Variants in LRIT2 observed in about 807,000 individuals in gnomAD.
LRIT2 encodes leucine rich repeat, Ig-like and transmembrane domains 2.
Under a neutral mutation model 22.4 loss-of-function variants are expected in LRIT2, and 23 were observed. The ratio of observed to expected loss-of-function variants is 1.03; its 90% CI spans 0.74 to 1.45. The LOEUF is 1.45. Ranked by LOEUF, LRIT2 falls within the 40% of genes most tolerant of loss-of-function variation. The pLI is 0.00. For synonymous variants in LRIT2, 291 were observed against 267.1 expected (o/e 1.09, Z -0.87); for missense variants, 784 against 665.6 (o/e 1.18, Z -1.96).
rs376296706 is a variant in LRIT2 at position 84,225,397 on chromosome 10, C to T, written c.110+14G>A. 2 of 1,612,706 alleles carry T rather than the reference C, an allele frequency of 1.2e-6. No individual in the cohort carries two copies. Among genetic ancestry groups the T allele is most frequent in the Non-Finnish European group, 8.5e-7 (1 of 1,179,586 alleles). ...TTCCCCATAACCCTCTAACATCTGG[C>T]CAGCAGAGCGCACCTGCCAAAACTC... On this transcript the variant is annotated intron_variant, in intron 1 of 2. Transcript: ENST00000372113.
chr10:84,222,904 G>C (rs1165206378), intron 2 of LRIT2: 1 of 705,462 alleles, frequency 1.4e-6, no homozygotes, highest in South Asian at 1.5e-5. Context: ...TTGAGGATTG[G>C]AGCAATCCAT....
intron 1 of LRIT2, 96 bp from the exon 2 acceptor site, chr10:84,225,210 A>T: frequency 7.9e-7 from 1 of 1,271,700 alleles, no homozygotes; most frequent in Non-Finnish European, 1.1e-6. Flanking sequence ...ATCAGAATAA[A>T]AATATTATTA....
Position 84,222,687 on chromosome 10 carries a change from G to C in LRIT2, c.893-7C>G. 6.2e-7 allele frequency: 1 copy of C among 1,612,202 alleles called. No individual in the cohort carries two copies. Among genetic ancestry groups the C allele is most frequent in the Non-Finnish European group, 8.5e-7 (1 of 1,178,462 alleles). Reference sequence around the variant, plus strand: ...CCAGTAGAAGATGTCAACACTGGGTGGAAAGAAAAACAAAACAGCTGTGCA... The same window carrying C: ...CCAGTAGAAGATGTCAACACTGGGTCGAAAGAAAAACAAAACAGCTGTGCA... On this transcript the variant is annotated splice_polypyrimidine_tract_variant and splice_region_variant and intron_variant, in intron 2 of 2. Transcript: ENST00000372113.
intron 1 of LRIT2, 82 bp from the exon 2 acceptor site, chr10:84,225,196 G>A: frequency 7.6e-7 from 1 of 1,321,458 alleles, no homozygotes; most frequent in Non-Finnish European, 1.0e-6. Context: ...CATTAGACAT[G>A]TGAATCAGAA....
Position 84,224,423 on chromosome 10 carries a change from G to T in LRIT2, c.802C>A (p.Gln268Lys), listed in dbSNP as rs144004898. 32 of 1,614,124 alleles carry T rather than the reference G, an allele frequency of 2.0e-5. No homozygotes were observed. Among genetic ancestry groups the T allele is most frequent in the Admixed American group, 5.0e-5 (3 of 60,014 alleles). The change falls in exon 2 of 3, where the codon CAG becomes AAG. Residue 268 changes from glutamine to lysine, a missense_variant. Physicochemically the swap from Gln to Lys is moderately conservative, Grantham distance 53. Transcript: ENST00000372113. ...GCCAAGCATCGCAGGGTCACATTCT[G>T]TCCTGCCCGGATGGTGATATTGGCA... is the stretch of plus-strand genomic sequence containing the variant. ...PSANITIRAG[Q>K]NVTLRCLAQA...
At chr10:84,225,295 G>C in intron 1 of LRIT2, 116 bp downstream of exon 1, 1 of 1,292,876 alleles carries the variant, frequency 7.7e-7, no homozygotes, top group Non-Finnish European at 1.1e-6. Flanking sequence ...CAACTAGAAT[G>C]AGTCTCATAG....
intron 2 of LRIT2, among the ~76,000 whole-genome samples, chr10:84,223,344 T>G (rs1034561880): frequency 5.9e-5 from 9 of 152,158 alleles, no homozygotes; most frequent in African/African-American, 2.2e-4. Context: ...ACAGTGATTA[T>G]AGAACACCAC....
Position 84,222,591 on chromosome 10 carries a change from T to C in LRIT2, c.982A>G (p.Met328Val), listed in dbSNP as rs139836335. 1 of 1,614,052 alleles carries C rather than the reference T, an allele frequency of 6.2e-7. No individual in the cohort carries two copies. The highest frequency in any genetic ancestry group is 8.5e-7 in the Non-Finnish European group (1 of 1,180,006). Residue 328 changes from methionine (M) to valine (V), a missense_variant, in exon 3 of 3, where the codon ATG becomes GTG. Coordinates refer to ENST00000372113, the MANE Select transcript of LRIT2 (RefSeq NM_001017924.5). Reference sequence around the variant, plus strand: ...CTCTTGCCAATGGAGTTGGAGGCCATGCAGGTGTAATTACCACTGTCTACC... The same window carrying C: ...CTCTTGCCAATGGAGTTGGAGGCCACGCAGGTGTAATTACCACTGTCTACC... ...HLVDSGNYTC[M>V]ASNSIGKSNL... is the part of the protein sequence containing the mutation.
intron 1 of LRIT2, 124 bp from the exon 2 acceptor site, chr10:84,225,238 G>A: frequency 6.6e-6 from 8 of 1,215,610 alleles, no homozygotes; most frequent in Non-Finnish European, 8.0e-6. Flanking sequence ...AAATAAAAGA[G>A]TTAGACTCAT....
Position 84,224,697 on chromosome 10 carries a change from G to C in LRIT2, c.528C>G (p.Ala176=). The C allele has an allele frequency of 6.2e-7, 1 of 1,614,180 alleles. No homozygotes were observed. The highest frequency in any genetic ancestry group is 8.5e-7 in the Non-Finnish European group (1 of 1,180,022). Residue 176 remains alanine (A), a synonymous_variant, in exon 2 of 3, where the codon GCC becomes GCG. Transcript: ENST00000372113. ...VSKSVFLNWP[A]YQKCRQPDCG... Reference sequence around the variant, plus strand: ...AGTCAGGCTGCCGGCATTTCTGGTAGGCTGGCCAGTTCAGGAAGACACTCT... The same window carrying C: ...AGTCAGGCTGCCGGCATTTCTGGTACGCTGGCCAGTTCAGGAAGACACTCT...
Position 84,221,750 on chromosome 10 carries a change from A to G in LRIT2, c.*170T>C. ...TGACTATGTCCCCTTTATCATGAAG[A>G]TAAAGACTCTGTTTCCCTTTTTACT... On this transcript the variant is annotated 3_prime_UTR_variant, in exon 3 of 3. Transcript: ENST00000372113. The G allele has an allele frequency of 2.1e-6, 1 of 487,196 alleles. No individual in the cohort carries two copies. Among genetic ancestry groups the G allele is most frequent in the Non-Finnish European group, 3.5e-6 (1 of 284,734 alleles). The allele number at this position is 487,196 out of a possible 1,614,324, so 30.2% of individuals were successfully genotyped here. A position where few individuals can be genotyped will look rare whatever the true frequency, so the allele number is the denominator to read the frequency against.
In LRIT2 at chr10:84,224,127, T is replaced by C. The variant is rs533107320; in HGVS notation, c.892+206A>G. 7.4e-4 allele frequency among the ~76,000 whole-genome samples: 113 copies of C among 152,366 alleles called. 1 individual carries two copies. Among genetic ancestry groups the C allele is most frequent in the South Asian group, 4.6e-3 (22 of 4,834 alleles). ...TATATGTTCTGTATGCAAAGAGATC[T>C]GTATGCAAACATTTAAAATAATGCC... On this transcript the variant is annotated intron_variant, in intron 2 of 2. Coordinates refer to ENST00000372113, the MANE Select transcript of LRIT2 (RefSeq NM_001017924.5).
Position 84,221,254 on chromosome 10 carries a change from G to A in LRIT2, c.*666C>T, listed in dbSNP as rs1054294961. The A allele has an allele frequency of 1.3e-5, 2 of 152,232 alleles. No individual in the cohort carries two copies. The highest frequency in any genetic ancestry group is 4.8e-5 in the African/African-American group (2 of 41,442). The allele number at this position is 152,232 out of a possible 1,614,324, so 9.4% of individuals were successfully genotyped here. ...CAAGGGCTGTGCTCACAGGGGAACAGACACCTACAAAAAGAGACTCACATT... is the reference window on the plus strand; with the variant it reads ...CAAGGGCTGTGCTCACAGGGGAACAAACACCTACAAAAAGAGACTCACATT... On this transcript the variant is annotated 3_prime_UTR_variant, in exon 3 of 3. Coordinates refer to ENST00000372113, the MANE Select transcript of LRIT2 (RefSeq NM_001017924.5).
chr10:84,224,271 A>T, intron 2 of LRIT2, 62 bp downstream of exon 2: 1 of 1,512,010 alleles, frequency 6.6e-7, no homozygotes, highest in Non-Finnish European at 8.9e-7. Context: ...TCTAATGAGG[A>T]TGGGTTTGCT....
At position 84,224,945 on chromosome 10, in the gene LRIT2, T is replaced by G. The variant is rs1842549591; in HGVS notation, c.280A>C (p.Ile94Leu). 2 of 1,614,030 alleles carry G rather than the reference T, an allele frequency of 1.2e-6. No individual in the cohort carries two copies. The highest frequency in any genetic ancestry group is 1.7e-6 in the Non-Finnish European group (2 of 1,180,038). Reference protein sequence around the residue: ...LWLNFNNISVIHLGALEHLPE... With the variant: ...LWLNFNNISVLHLGALEHLPE... ...AGGTGTTCCAGGGCTCCTAGGTGGA[T>G]CACACTGATATTGTTAAAATTGAGC... Residue 94 changes from isoleucine (I) to leucine (L), a missense_variant, in exon 2 of 3, where the codon ATC (isoleucine) becomes CTC (leucine). Coordinates refer to ENST00000372113, the MANE Select transcript of LRIT2 (RefSeq NM_001017924.5).
rs1842526881 is a variant in LRIT2, at chr10:84,222,917, A to G, written c.893-237T>C. The G allele has an allele frequency of 2.0e-5, 14 of 701,442 alleles. No individual in the cohort carries two copies. In the Middle Eastern group the frequency reaches 2.3e-3, roughly 115 times the overall value. The allele number at this position is 701,442 out of a possible 1,614,324, so 43.5% of individuals were successfully genotyped here. On this transcript the variant is annotated intron_variant, in intron 2 of 2. Coordinates refer to ENST00000372113, the MANE Select transcript of LRIT2 (RefSeq NM_001017924.5). ...TATTGAGGATTGGAGCAATCCATCAACTTGCCCGTAGTGAGAGTTGTTCAG... is the reference window on the plus strand; with the variant it reads ...TATTGAGGATTGGAGCAATCCATCAGCTTGCCCGTAGTGAGAGTTGTTCAG...
At chr10:84,222,722 T>C (rs1347579976) in intron 2 of LRIT2, 42 bp from the exon 3 acceptor site, 13 of 1,607,662 alleles carry the variant, frequency 8.1e-6, no homozygotes, top group African/African-American at 4.0e-5. Flanking sequence ...ATTTATCTGA[T>C]AGACTGCTGG....
Position 84,225,476 on chromosome 10 carries a change from C to T in LRIT2, c.45G>A (p.Leu15=). The T allele has an allele frequency of 6.2e-7, 1 of 1,614,204 alleles. No homozygotes were observed. Among genetic ancestry groups the T allele is most frequent in the Middle Eastern group, 1.7e-4 (1 of 6,060 alleles). ...FHYFLLVLVF[L]DTHAAQPFCL... is the part of the protein sequence containing the mutation. The stretch of plus-strand genomic sequence containing the variant: ...AGAAAGGCTGAGCTGCGTGTGTATC[C>T]AGAAAGACCAGAACTAACAGGAAGT... The change falls in exon 1 of 3, where the codon CTG becomes CTA. Residue 15 remains leucine (L), a synonymous_variant. Coordinates refer to ENST00000372113, the MANE Select transcript of LRIT2 (RefSeq NM_001017924.5).
chr10:84,220,726 T>C lies in LRIT2; in HGVS notation c.*1194A>G. 1 of 152,208 alleles carries C rather than the reference T, an allele frequency of 6.6e-6. No homozygotes were observed. The highest frequency in any genetic ancestry group is 1.9e-4 in the East Asian group (1 of 5,190). The allele number at this position is 152,208 out of a possible 1,614,324, so 9.4% of individuals were successfully genotyped here. On this transcript the variant is annotated 3_prime_UTR_variant, in exon 3 of 3. Coordinates refer to ENST00000372113, the MANE Select transcript of LRIT2 (RefSeq NM_001017924.5). ...CAACCAATGGACACAATGTGCATAC[T>C]GTCCTTTTCCCCAGAGGTGTGAAGT...
Sources: gnomAD v4.1 joint callset for allele counts (sites outside exome capture counted in the v4.1 genomes callset) on GRCh38, gnomAD v4.1.1 for gene constraint, MANE v1.5 for transcripts, NCBI Gene and HGNC (gene_info 2026-07-23, HGNC 2026-07-21) for gene names.